Variants in CD2AP observed in about 807,000 individuals in gnomAD.
CD2AP encodes CD2-associated protein.
A neutral mutation model predicts 85.1 loss-of-function variants in CD2AP; 46 were observed. The ratio of observed to expected loss-of-function variants is 0.54; its 90% CI spans 0.43 to 0.69. The LOEUF is 0.69. CD2AP is among the 30% of genes least tolerant of loss of function. The pLI, the probability that CD2AP is intolerant of heterozygous loss-of-function variation, is 0.00. For missense variants in CD2AP, 769 were observed against 729.5 expected (o/e 1.05, Z -0.62); for synonymous variants, 255 against 252.9 (o/e 1.01, Z -0.08).
chr6:47,547,614 G>C (rs1767401365), intron 4 of CD2AP, among the ~76,000 whole-genome samples: 1 of 152,038 alleles, frequency 6.6e-6, no homozygotes, highest in African/African-American at 2.4e-5. Flanking sequence ...GCATTAGACA[G>C]GTCATCAAGA....
intron 2 of CD2AP, among the ~76,000 whole-genome samples, chr6:47,508,993 C>T (rs1766249506): frequency 2.0e-5 from 3 of 152,188 alleles, no homozygotes; most frequent in South Asian, 2.1e-4. Context: ...TCTCAACTTT[C>T]AGCATTACTT....
chr6:47,618,614 C>T (rs959713515), intron 17 of CD2AP, among the ~76,000 whole-genome samples: 3 of 151,762 alleles, frequency 2.0e-5, no homozygotes, highest in African/African-American at 7.3e-5. Flanking sequence ...AATTTTTAAG[C>T]GTTTTTTGAC....
chr6:47,506,425 C>G (rs1200119613), intron 2 of CD2AP, among the ~76,000 whole-genome samples: 2 of 30,792 alleles, frequency 6.5e-5, no homozygotes, highest in East Asian at 4.3e-4. Context: ...GCTGCAATCT[C>G]GGCACTTTGG....
intron 1 of CD2AP, among the ~76,000 whole-genome samples, chr6:47,479,059 C>G (rs115352380): frequency 6.6e-6 from 1 of 152,142 alleles, no homozygotes; most frequent in South Asian, 2.1e-4. Context: ...CTTTTGATAA[C>G]AAAGTTCGGT....
At chr6:47,586,028 G>A (rs528947647) in intron 11 of CD2AP, among the ~76,000 whole-genome samples, 2 of 152,244 alleles carry the variant, frequency 1.3e-5, no homozygotes, top group Admixed American at 1.3e-4. Context: ...ATTAAAGATT[G>A]CCAGGCATAG....
At chr6:47,489,359 A>G (rs1765664597) in intron 1 of CD2AP, among the ~76,000 whole-genome samples, 1 of 151,916 alleles carries the variant, frequency 6.6e-6, no homozygotes, top group African/African-American at 2.4e-5. Context: ...TTTTTTTAGT[A>G]GAGATGGGGT....
intron 2 of CD2AP, among the ~76,000 whole-genome samples, chr6:47,523,926 T>A (rs893406812): frequency 1.3e-5 from 2 of 152,172 alleles, no homozygotes; most frequent in African/African-American, 4.8e-5. Context: ...AAAAGTACCT[T>A]TCTTTATAAC....
At position 47,587,008 on chromosome 6, in the gene CD2AP, T is replaced by C. The variant is rs549266061; in HGVS notation, c.1108+4943T>C. Among the ~76,000 whole-genome samples the C allele has an allele frequency of 2.0e-5, 3 of 152,200 alleles. No homozygotes were observed. The South Asian group carries it at 6.2e-4, about 32-fold the overall frequency. ...GATCAGGTACCATGAATAAGAAAAA[T>C]GTCAGTGTTTTGCCAGTGACCTTTG... On this transcript the variant is annotated intron_variant, in intron 11 of 17. Coordinates refer to ENST00000359314, the MANE Select transcript of CD2AP (RefSeq NM_012120.3).
Position 47,567,177 on chromosome 6 carries a change from T to C in CD2AP, c.542-6887T>C, listed in dbSNP as rs955428074. On this transcript the variant is annotated intron_variant, in intron 5 of 17. Coordinates refer to ENST00000359314, the MANE Select transcript of CD2AP (RefSeq NM_012120.3). The stretch of plus-strand genomic sequence containing the variant: ...ATTGTAGTCCATTTGTTTGCTGCTA[T>C]CTTCATCTAATTTTCTTTTAGGTAT... Among the ~76,000 whole-genome samples, 4 of 152,202 alleles carry C rather than the reference T, an allele frequency of 2.6e-5. No individual in the cohort carries two copies. In the East Asian group the frequency reaches 7.7e-4, roughly 29 times the overall value.
At chr6:47,579,229 G>A (rs772078303) in intron 8 of CD2AP, among the ~76,000 whole-genome samples, 156 bp from the exon 9 acceptor site, 1 of 151,774 alleles carries the variant, frequency 6.6e-6, no homozygotes, top group Non-Finnish European at 1.5e-5. Flanking sequence ...CAGCCACTTG[G>A]GAGGCTGAGT....
Position 47,483,352 on chromosome 6 carries a change from G to C in CD2AP, c.4+5104G>C, listed in dbSNP as rs143506275. Among the ~76,000 whole-genome samples, 139 of 152,256 alleles carry C rather than the reference G, an allele frequency of 9.1e-4. 2 individuals carry two copies. The East Asian group carries it at 0.023, about 26-fold the overall frequency. ...GCAGCGTGTACATGTATGTGGAACA[G>C]GCCTTTGGGAGTGGTATGGTGGCTG... On this transcript the variant is annotated intron_variant, in intron 1 of 17. Coordinates refer to ENST00000359314, the MANE Select transcript of CD2AP (RefSeq NM_012120.3).
At position 47,624,422 on chromosome 6, in the gene CD2AP, G is replaced by T; in HGVS notation, c.*195G>T. 1.8e-6 allele frequency: 1 copy of T among 558,672 alleles called. No homozygotes were observed. The highest frequency in any genetic ancestry group is 3.2e-5 in the Admixed American group (1 of 31,186). The allele number at this position is 558,672 out of a possible 1,614,324, so 34.6% of individuals were successfully genotyped here. A position where few individuals can be genotyped will look rare whatever the true frequency, so the allele number is the denominator to read the frequency against. On this transcript the variant is annotated 3_prime_UTR_variant, in exon 18 of 18. Transcript: ENST00000359314. ...TGTTTTGCCAATATGAAGAAAAAGA[G>T]GCCTTATTTCTTAACTGTGCTGGGA... is the stretch of plus-strand genomic sequence containing the variant.
chr6:47,602,084 A>C (rs1769155516), intron 13 of CD2AP, among the ~76,000 whole-genome samples: 1 of 152,006 alleles, frequency 6.6e-6, no homozygotes, highest in Admixed American at 6.6e-5. Flanking sequence ...AAAGGATATA[A>C]ATCCCTGACT....
chr6:47,535,002 G>T (rs1036407731), intron 3 of CD2AP, among the ~76,000 whole-genome samples: 1 of 152,024 alleles, frequency 6.6e-6, no homozygotes, highest in Non-Finnish European at 1.5e-5. Flanking sequence ...TTGCCATGTT[G>T]CCTGAGCTGT....
At chr6:47,600,776 T>C (rs916261607) in intron 13 of CD2AP, among the ~76,000 whole-genome samples, 3 of 151,992 alleles carry the variant, frequency 2.0e-5, no homozygotes, top group Non-Finnish European at 4.4e-5. Context: ...TTCATATTGT[T>C]TTCTGTTTGA....
In CD2AP at chr6:47,533,717, G is replaced by A; in HGVS notation, c.281G>A (p.Gly94Glu). ...RISTYGLPAG[G>E]IQPHPQTKNI... ...AGCACCTATGGACTTCCAGCTGGAG[G>A]AATTCAGCCACATCCACAAACCAAA... The change falls in exon 3 of 18, where the codon GGA becomes GAA. Residue 94 changes from glycine to glutamate, a missense_variant. Physicochemically the swap from Gly to Glu is moderately conservative, Grantham distance 98. Transcript: ENST00000359314. 1.2e-6 allele frequency: 2 copies of A among 1,614,080 alleles called. No individual in the cohort carries two copies. The highest frequency in any genetic ancestry group is 2.2e-5 in the South Asian group (2 of 91,070).
At chr6:47,599,469 G>A (rs752139168) in intron 13 of CD2AP, 26 bp downstream of exon 13, 14 of 1,599,922 alleles carry the variant, frequency 8.8e-6, no homozygotes, top group Non-Finnish European at 1.2e-5. Flanking sequence ...CAGCGGTGGT[G>A]CATTTAAAAA....
intron 4 of CD2AP, among the ~76,000 whole-genome samples, chr6:47,546,221 G>GT (rs1767361078): frequency 6.6e-6 from 1 of 152,100 alleles, no homozygotes; most frequent in African/African-American, 2.4e-5. Context: ...GCTGTGGGAA[G>GT]TTTCAGCAAT....
intron 8 of CD2AP, among the ~76,000 whole-genome samples, chr6:47,577,642 G>A (rs768462724): frequency 6.6e-6 from 1 of 152,162 alleles, no homozygotes; most frequent in Non-Finnish European, 1.5e-5. Flanking sequence ...TACTACTTGT[G>A]TGTGGGCAGA....
Sources: allele counts gnomAD v4.1 joint callset (sites outside exome capture counted in the v4.1 genomes callset), GRCh38; gene constraint gnomAD v4.1.1; transcripts MANE v1.5; gene names NCBI Gene and HGNC (gene_info 2026-07-23, HGNC 2026-07-21).